Variants in CRYZL1 observed in about 807,000 individuals in gnomAD.
CRYZL1 encodes ferry endosomal RAB5 effector complex subunit 4.
CRYZL1 carries 34 observed loss-of-function variants against 50.6 expected under a neutral mutation model. That is an observed-to-expected ratio of 0.67 (90% CI 0.51 to 0.89). The LOEUF is 0.89. CRYZL1 is among the 40% of genes least tolerant of loss of function. The pLI is 0.00. For missense variants in CRYZL1, 354 were observed against 402.3 expected, an observed-to-expected ratio of 0.88 and a Z score of 1.03; for synonymous variants, 125 against 134.3, an observed-to-expected ratio of 0.93 and a Z score of 0.48.
At chr21:33,597,445 T>C in intron 9 of CRYZL1, 44 bp from the exon 10 acceptor site, 2 of 1,377,556 alleles carry the variant, frequency 1.5e-6, no homozygotes, top group Non-Finnish European at 2.0e-6. Flanking sequence ...AGAAGAAATA[T>C]ATTTTATAAT....
chr21:33,626,741 T>C (rs1338768130), intron 2 of CRYZL1, among the ~76,000 whole-genome samples: 2 of 147,470 alleles, frequency 1.4e-5, no homozygotes, highest in African/African-American at 5.0e-5. Context: ...AAGGCAAAAA[T>C]AGTCCAAATT....
chr21:33,605,275 T>TA (rs2086798276), intron 6 of CRYZL1, among the ~76,000 whole-genome samples: 1 of 143,100 alleles, frequency 7.0e-6, no homozygotes, highest in Non-Finnish European at 1.6e-5. Context: ...CTGTTTTCAA[T>TA]CTCTTTAACA....
rs767686465 is a variant in CRYZL1 at position 33,599,181 on chromosome 21, G to T, written c.645C>A (p.Gly215=). The T allele has an allele frequency of 1.2e-6, 2 of 1,613,772 alleles. No homozygotes were observed. The highest frequency in any genetic ancestry group is 1.7e-6 in the Non-Finnish European group (2 of 1,179,852). ...CATCTAGGACAATATCTACTCCCAG[G>T]CCACCTGTTTCTTCCAAACAGCTTT... The part of the protein sequence containing the change: ...VAESCLEETG[G]LGVDIVLDAG... Residue 215 remains glycine, a synonymous_variant, in exon 9 of 13, where the codon GGC becomes GGA. Coordinates refer to ENST00000381554, the MANE Select transcript of CRYZL1 (RefSeq NM_145858.3).
chr21:33,613,344 T>C (rs1211369871), intron 6 of CRYZL1, among the ~76,000 whole-genome samples, 194 bp downstream of exon 6: 2 of 152,234 alleles, frequency 1.3e-5, no homozygotes, highest in Non-Finnish European at 2.9e-5. Context: ...AGTCTGAATA[T>C]GAATTTTATG....
intron 5 of CRYZL1, among the ~76,000 whole-genome samples, chr21:33,615,949 A>C (rs187855622): frequency 1.8e-4 from 28 of 152,300 alleles, no homozygotes; most frequent in African/African-American, 5.8e-4. Flanking sequence ...TTTTTATTAT[A>C]CTTTAAGTTT....
chr21:33,608,174 G>A (rs1054745984), intron 6 of CRYZL1, among the ~76,000 whole-genome samples: 84 of 152,246 alleles, frequency 5.5e-4, no homozygotes, highest in African/African-American at 2.0e-3. Flanking sequence ...ATATCCCTTG[G>A]CTGGGCGCGG....
At chr21:33,627,019 T>G (rs1012745572) in intron 2 of CRYZL1, among the ~76,000 whole-genome samples, 56 of 152,304 alleles carry the variant, frequency 3.7e-4, no homozygotes, top group African/African-American at 1.3e-3. Flanking sequence ...TTCATTAATA[T>G]TGGTGAGTTT....
At chr21:33,596,345 A>AT in intron 10 of CRYZL1, 1 of 335,178 alleles carries the variant, frequency 3.0e-6, no homozygotes, top group Non-Finnish European at 5.8e-6. Context: ...CTGAAATACT[A>AT]TTAAAAATTC....
At chr21:33,635,742 G>A (rs2087199062) in intron 1 of CRYZL1, among the ~76,000 whole-genome samples, 1 of 151,882 alleles carries the variant, frequency 6.6e-6, no homozygotes, top group Admixed American at 6.6e-5. Flanking sequence ...CAGAACTTTG[G>A]GAGACCGAGG....
intron 11 of CRYZL1, among the ~76,000 whole-genome samples, chr21:33,593,321 T>C (rs915580540): frequency 2.0e-5 from 3 of 152,032 alleles, no homozygotes; most frequent in Admixed American, 6.5e-5. Context: ...TTCGCCAGGA[T>C]GGTCTCAATC....
At chr21:33,620,023 C>T (rs952751950) in intron 4 of CRYZL1, among the ~76,000 whole-genome samples, 4 of 152,104 alleles carry the variant, frequency 2.6e-5, no homozygotes, top group African/African-American at 9.7e-5. Context: ...GCAAGGAGTT[C>T]GTTTCACTTA....
chr21:33,601,198 A>G (rs781761137), intron 8 of CRYZL1, among the ~76,000 whole-genome samples: 3 of 151,826 alleles, frequency 2.0e-5, no homozygotes, highest in Non-Finnish European at 2.9e-5. Flanking sequence ...CGGCCTCCCA[A>G]AGTGCTGGGA....
chr21:33,593,082 C>T (rs1055407507), intron 11 of CRYZL1, among the ~76,000 whole-genome samples: 2 of 151,496 alleles, frequency 1.3e-5, no homozygotes, highest in African/African-American at 2.4e-5. Flanking sequence ...AAAGAAAATG[C>T]AAATTAGCAA....
At chr21:33,617,570 T>C (rs200132896) in intron 4 of CRYZL1, among the ~76,000 whole-genome samples, 1 of 152,106 alleles carries the variant, frequency 6.6e-6, no homozygotes, top group East Asian at 1.9e-4. Context: ...CTCCAAAAAC[T>C]GAGCTCCCCA....
rs764185960 is a variant in CRYZL1 at position 33,600,933 on chromosome 21, G to GTTTTTTTTTTTTTTTTT, written c.577+1284_577+1300dup. 6.7e-5 allele frequency among the ~76,000 whole-genome samples: 4 copies of GTTTTTTTTTTTTTTTTT among 59,520 alleles called. 2 individuals carry two copies. The highest frequency in any genetic ancestry group is 1.0e-3 in the East Asian group (2 of 1,952). The allele number at this position is 59,520 out of a possible 152,430, so 39.0% of individuals were successfully genotyped here. ...TGAGCCACTGTGCCCGGTCCATAAAGTTTTTTTTTTTTTTTTTTTTGGGGG... is the reference window on the plus strand; with the variant it reads ...TGAGCCACTGTGCCCGGTCCATAAAGTTTTTTTTTTTTTTTTTTTTTTTTTTTTTTTTTTTTTGGGGG... On this transcript the variant is annotated intron_variant, in intron 8 of 12. Transcript: ENST00000381554.
In CRYZL1 at chr21:33,599,142, G is replaced by A; in HGVS notation, c.676+8C>T. On this transcript the variant is annotated splice_region_variant and intron_variant, in intron 9 of 12. Transcript: ENST00000381554. ...CTACACAGGCTACTAATTTCATAAG[G>A]TACCTACCTCCAGCATCTAGGACAA... The A allele has an allele frequency of 6.2e-7, 1 of 1,613,508 alleles. No individual in the cohort carries two copies. Among genetic ancestry groups the A allele is most frequent in the East Asian group, 2.2e-5 (1 of 44,848 alleles).
chr21:33,600,184 T>C (rs1375538749), intron 8 of CRYZL1, among the ~76,000 whole-genome samples: 4 of 152,134 alleles, frequency 2.6e-5, no homozygotes, highest in African/African-American at 9.7e-5. Context: ...TGTTTCACCC[T>C]TTCTCAGTCA....
At chr21:33,591,057 G>A in intron 12 of CRYZL1, 105 bp downstream of exon 12, 1 of 789,356 alleles carries the variant, frequency 1.3e-6, no homozygotes, top group Non-Finnish European at 2.2e-6. Context: ...AAATATGGAG[G>A]CAACAGGTAC....
At chr21:33,596,025 T>TG in intron 10 of CRYZL1, 189 bp from the exon 11 acceptor site, 1 of 614,000 alleles carries the variant, frequency 1.6e-6, no homozygotes. Context: ...AACAGCGAGG[T>TG]GATAAGTACA....
Sources: gnomAD v4.1 joint callset for allele counts (sites outside exome capture counted in the v4.1 genomes callset) on GRCh38, gnomAD v4.1.1 for gene constraint, MANE v1.5 for transcripts, NCBI Gene and HGNC (gene_info 2026-07-23, HGNC 2026-07-21) for gene names.